The following HCRTR2 variants were observed in gnomAD, a reference collection of about 807,000 sequenced individuals.
HCRTR2 encodes orexin receptor type 2.
In HCRTR2, 22 loss-of-function variants were observed where a neutral mutation model predicts 49.0. The observed-to-expected ratio is 0.45, with a 90% CI of 0.32 to 0.64. The LOEUF (loss-of-function observed/expected upper bound fraction) is 0.64. HCRTR2 is among the 30% of genes least tolerant of loss of function. HCRTR2 has a pLI of 0.04. For synonymous variants in HCRTR2, 236 were observed against 205.3 expected, an observed-to-expected ratio of 1.15 and a Z score of -1.28; for missense variants, 491 against 559.4, an observed-to-expected ratio of 0.88 and a Z score of 1.23.
chr6:55,112,466 G>A (rs1313371746), intron 1 of HCRTR2, among the ~76,000 whole-genome samples: 2 of 149,728 alleles, frequency 1.3e-5, no homozygotes, highest in Admixed American at 1.3e-4. Flanking sequence ...CAAAATCAAG[G>A]TACACAAATC....
intron 6 of HCRTR2, among the ~76,000 whole-genome samples, chr6:55,281,984 A>G (rs763884620): frequency 2.4e-4 from 37 of 152,186 alleles, no homozygotes; most frequent in Non-Finnish European, 4.7e-4. Flanking sequence ...AAAGGAATGA[A>G]GCAAATTCCA....
At chr6:55,119,718 T>G (rs1338736476) in intron 1 of HCRTR2, among the ~76,000 whole-genome samples, 2 of 151,982 alleles carry the variant, frequency 1.3e-5, no homozygotes, top group African/African-American at 2.4e-5. Flanking sequence ...ATTCTGTAGG[T>G]TGCCTGTTCA....
intron 6 of HCRTR2, among the ~76,000 whole-genome samples, chr6:55,281,348 C>T (rs1162343946): frequency 6.6e-6 from 1 of 152,090 alleles, no homozygotes; most frequent in Non-Finnish European, 1.5e-5. Flanking sequence ...AAGCTCTGAA[C>T]CTCGCACTAA....
chr6:55,142,327 G>T (rs886375837), intron 1 of HCRTR2, among the ~76,000 whole-genome samples: 1 of 151,074 alleles, frequency 6.6e-6, no homozygotes. Context: ...CTCCCGAGTA[G>T]CTGGGACTAC....
At chr6:55,142,300 C>T (rs553432522) in intron 1 of HCRTR2, among the ~76,000 whole-genome samples, 140 of 151,924 alleles carry the variant, frequency 9.2e-4, no homozygotes, top group Non-Finnish European at 1.8e-3. Context: ...GGGTTCAAGC[C>T]ATTCTCCTGC....
chr6:55,174,897 C>T lies in HCRTR2; in HGVS notation c.223+87C>T. The T allele has an allele frequency of 3.0e-6, 3 of 987,328 alleles. No individual in the cohort carries two copies. The South Asian group carries it at 3.9e-5, about 13-fold the overall frequency. 61.2% of individuals were successfully genotyped at this position (987,328 alleles called of 1,614,324 possible). On this transcript the variant is annotated intron_variant, in intron 1 of 6. Coordinates refer to ENST00000370862, the MANE Select transcript of HCRTR2 (RefSeq NM_001384272.1). ...AAGGCTCTAAAGAGACCCCTCCCTC[C>T]CCCGGGAAGCAAACAAAGAGGTCGC... is the stretch of plus-strand genomic sequence containing the variant.
upstream of HCRTR2, among the ~76,000 whole-genome samples, chr6:55,169,695 C>T (rs866205438): frequency 6.6e-6 from 1 of 152,116 alleles, no homozygotes; most frequent in South Asian, 2.1e-4. Flanking sequence ...TCATTACCAA[C>T]AGTGCTCAGA....
At chr6:55,231,347 C>G (rs1454464918) in intron 1 of HCRTR2, among the ~76,000 whole-genome samples, 1 of 149,702 alleles carries the variant, frequency 6.7e-6, no homozygotes. Flanking sequence ...GACTAATACT[C>G]TCTTTTAAGA....
At chr6:55,122,095 G>A (rs1278756556) in intron 1 of HCRTR2, among the ~76,000 whole-genome samples, 1 of 152,176 alleles carries the variant, frequency 6.6e-6, no homozygotes, top group African/African-American at 2.4e-5. Context: ...TCTGGTCCTG[G>A]ACTTTTTTTG....
chr6:55,276,518 G>T (rs961617190), intron 4 of HCRTR2, among the ~76,000 whole-genome samples: 2 of 152,122 alleles, frequency 1.3e-5, no homozygotes, highest in African/African-American at 4.8e-5. Context: ...TCTTGTGTTT[G>T]TTGGCACATT....
At chr6:55,126,718 CG>C (rs1204775149) in intron 1 of HCRTR2, among the ~76,000 whole-genome samples, 33 of 146,110 alleles carry the variant, frequency 2.3e-4, no homozygotes, top group Non-Finnish European at 4.8e-4. Flanking sequence ...AGGGAGATGG[CG>C]TTTTATCTAT....
chr6:55,153,653 C>T (rs1382121524), intron 1 of HCRTR2, among the ~76,000 whole-genome samples: 1 of 151,848 alleles, frequency 6.6e-6, no homozygotes, highest in Non-Finnish European at 1.5e-5. Context: ...AGTGTGATAT[C>T]TCTAGCTGTG....
At chr6:55,180,927 G>A (rs1323615402) in intron 1 of HCRTR2, among the ~76,000 whole-genome samples, 1 of 150,414 alleles carries the variant, frequency 6.6e-6, no homozygotes, top group Non-Finnish European at 1.5e-5. Flanking sequence ...AGCCTCCCCA[G>A]TAGCTGGGAT....
intron 1 of HCRTR2, among the ~76,000 whole-genome samples, chr6:55,126,598 C>T (rs934809584): frequency 6.6e-6 from 1 of 152,238 alleles, no homozygotes; most frequent in Non-Finnish European, 1.5e-5. Context: ...AGGCAATCTG[C>T]CCCTTAGCAG....
intron 1 of HCRTR2, among the ~76,000 whole-genome samples, chr6:55,138,700 C>G (rs1489439465): frequency 1.3e-5 from 2 of 152,154 alleles, no homozygotes; most frequent in Non-Finnish European, 2.9e-5. Context: ...TTAGAGAGCT[C>G]CTGAAAAGAA....
At position 55,274,239 on chromosome 6, in the gene HCRTR2, G is replaced by GTATATATATATATATATATA. The variant is rs61667408; in HGVS notation, c.763-3123_763-3122insTATATATATATATATATATA. 7.0e-4 allele frequency among the ~76,000 whole-genome samples: 84 copies of GTATATATATATATATATATA among 119,490 alleles called. 1 individual carries two copies. The highest frequency in any genetic ancestry group is 2.2e-3 in the African/African-American group (72 of 32,900). 78.4% of individuals were successfully genotyped at this position (119,490 alleles called of 152,430 possible). A position where few individuals can be genotyped will look rare whatever the true frequency, so the allele number is the denominator to read the frequency against. On this transcript the variant is annotated intron_variant, in intron 4 of 6. Transcript: ENST00000370862. ...TCTCTGCAATGTTTCATCATTTTCA[G>GTATATATATATATATATATA]TATATATATATATATATAATGAAAT...
intron 1 of HCRTR2, among the ~76,000 whole-genome samples, chr6:55,124,728 T>A (rs1178863581): frequency 3.3e-5 from 5 of 152,166 alleles, no homozygotes; most frequent in Non-Finnish European, 7.3e-5. Context: ...TCTCCCACTA[T>A]TATTGTGTGG....
chr6:55,190,507 G>T (rs904019607), intron 1 of HCRTR2, among the ~76,000 whole-genome samples: 1 of 152,066 alleles, frequency 6.6e-6, no homozygotes, highest in Non-Finnish European at 1.5e-5. Flanking sequence ...GAACATGAAG[G>T]TAAGAGTTTA....
At chr6:55,139,342 A>G (rs980820543) in intron 1 of HCRTR2, among the ~76,000 whole-genome samples, 1 of 152,198 alleles carries the variant, frequency 6.6e-6, no homozygotes, top group African/African-American at 2.4e-5. Context: ...AAATTAGTGC[A>G]CACACAGGGA....
Sources: allele counts gnomAD v4.1 joint callset (sites outside exome capture counted in the v4.1 genomes callset), GRCh38; gene constraint gnomAD v4.1.1; transcripts MANE v1.5; gene names NCBI Gene and HGNC (gene_info 2026-07-23, HGNC 2026-07-21).